The following GNL1 variants were observed in gnomAD, a reference collection of about 807,000 sequenced individuals.
The protein encoded by GNL1 is G protein nucleolar 1, also known as guanine nucleotide-binding protein-like 1.
A neutral mutation model predicts 75.2 loss-of-function variants in GNL1; 21 were observed. The ratio of observed to expected loss-of-function variants is 0.28; its 90% CI spans 0.20 to 0.40. GNL1 has a LOEUF of 0.40. Ranked by LOEUF, GNL1 falls within the 10% of genes least tolerant of loss-of-function variation. The pLI is 1.00. For synonymous variants in GNL1, 287 were observed against 303.4 expected (o/e 0.95, Z 0.56); for missense variants, 579 against 775.0 (o/e 0.75, Z 3.00).
Position 30,541,909 on chromosome 6 carries a change from C to G in GNL1, c.*4163G>C, listed in dbSNP as rs1799191219. The G allele has an allele frequency of 6.6e-6, 1 of 152,220 alleles. No individual in the cohort carries two copies. The highest frequency in any genetic ancestry group is 1.5e-5 in the Non-Finnish European group (1 of 68,032). 9.4% of individuals were successfully genotyped at this position (152,220 alleles called of 1,614,324 possible). A position where few individuals can be genotyped will look rare whatever the true frequency, so the allele number is the denominator to read the frequency against. On this transcript the variant is annotated 3_prime_UTR_variant, in exon 12 of 12. Coordinates refer to ENST00000376621, the MANE Select transcript of GNL1 (RefSeq NM_005275.5). Reference sequence around the variant, plus strand: ...CTCCCCTCACTGGGACTCTCAGTACCACGCCCACCTGTCCCCAAGGTTTGT... The same window carrying G: ...CTCCCCTCACTGGGACTCTCAGTACGACGCCCACCTGTCCCCAAGGTTTGT...
chr6:30,547,225 G>A lies in GNL1; in HGVS notation c.1328C>T (p.Ala443Val), dbSNP rs1799508074. 6.2e-7 allele frequency: 1 copy of A among 1,611,404 alleles called. No individual in the cohort carries two copies. The highest frequency in any genetic ancestry group is 2.2e-5 in the East Asian group (1 of 44,862). ...AATTCGGGAGGCCAGGTAGCCCACA[G>A]CAGTGTAGGGCTCCTGGATCTGGGC... ...PIAQIQEPYTAVGYLASRIPV... is the reference protein window; with the variant it reads ...PIAQIQEPYTVVGYLASRIPV... The change falls in exon 10 of 12, where the codon GCT becomes GTT. Residue 443 changes from alanine (A) to valine (V), a missense_variant. Physicochemically the swap from Ala to Val is moderately conservative, Grantham distance 64 (BLOSUM62 0). Coordinates refer to ENST00000376621, the MANE Select transcript of GNL1 (RefSeq NM_005275.5). This position sits in a 1 kb window ranked among gnomAD's most constrained non-coding sequence, Gnocchi z 5.5.
chr6:30,545,631 T>C lies in GNL1; in HGVS notation c.*441A>G, dbSNP rs1296030268. ...ATCAGCTTGGGACACAGTTCCTCTC[T>C]TACTGTTCCTTCTCCCAGAAGCTCC... On this transcript the variant is annotated 3_prime_UTR_variant, in exon 12 of 12. Transcript: ENST00000376621. The C allele has an allele frequency of 4.9e-6, 1 of 205,082 alleles. No individual in the cohort carries two copies. The highest frequency in any genetic ancestry group is 9.7e-6 in the Non-Finnish European group (1 of 102,856). The allele number at this position is 205,082 out of a possible 1,614,324, so 12.7% of individuals were successfully genotyped here.
Position 30,556,292 on chromosome 6 carries a change from C to G in GNL1, c.-89G>C. The G allele has an allele frequency of 1.3e-5, 20 of 1,505,174 alleles. No individual in the cohort carries two copies. Among genetic ancestry groups the G allele is most frequent in the Non-Finnish European group, 1.7e-5 (19 of 1,099,952 alleles). 93.2% of individuals were successfully genotyped at this position (1,505,174 alleles called of 1,614,324 possible). Reference sequence around the variant, plus strand: ...CGGGGCAGCCCCCGCCGCAGGGGCCCGGGACCCTAGAGGAGGCGGGGCTAG... The same window carrying G: ...CGGGGCAGCCCCCGCCGCAGGGGCCGGGGACCCTAGAGGAGGCGGGGCTAG... On this transcript the variant is annotated 5_prime_UTR_variant, in exon 1 of 12. Transcript: ENST00000376621. The surrounding 1 kb of genome is among the most constrained non-coding windows in gnomAD (Gnocchi z 5.7).
At position 30,555,476 on chromosome 6, in the gene GNL1, G is replaced by A. The variant is rs1562716481; in HGVS notation, c.239+79C>T. On this transcript the variant is annotated intron_variant, in intron 2 of 11. Transcript: ENST00000376621. This position sits in a 1 kb window ranked among gnomAD's most constrained non-coding sequence, Gnocchi z 4.3. ...CATCCCAGGCCCACCGTCTTCACCA[G>A]TAGCAGCCCGCTTTCCCCCAAAGCT... 1 of 1,407,440 alleles carries A rather than the reference G, an allele frequency of 7.1e-7. No homozygotes were observed. The highest frequency in any genetic ancestry group is 2.3e-5 in the East Asian group (1 of 43,722). The allele number at this position is 1,407,440 out of a possible 1,614,324, so 87.2% of individuals were successfully genotyped here. A position where few individuals can be genotyped will look rare whatever the true frequency, so the allele number is the denominator to read the frequency against.
In GNL1 at chr6:30,541,708, G is replaced by C. The variant is rs1562692127; in HGVS notation, c.*4364C>G. ...GCTGTTGCGATCTCTTAATTAGCTT[G>C]AACTGAGTTTGTATTAGAATTTATA... On this transcript the variant is annotated 3_prime_UTR_variant, in exon 12 of 12. Coordinates refer to ENST00000376621, the MANE Select transcript of GNL1 (RefSeq NM_005275.5). 6.6e-6 allele frequency: 1 copy of C among 152,328 alleles called. No homozygotes were observed. The highest frequency in any genetic ancestry group is 1.9e-4 in the East Asian group (1 of 5,192). The allele number at this position is 152,328 out of a possible 1,614,324, so 9.4% of individuals were successfully genotyped here.
rs1297216656 is a variant in GNL1 at position 30,552,889 on chromosome 6, G to A, written c.904+195C>T. Among the ~76,000 whole-genome samples, 3 of 152,196 alleles carry A rather than the reference G, an allele frequency of 2.0e-5. No homozygotes were observed. Among genetic ancestry groups the A allele is most frequent in the African/African-American group, 7.2e-5 (3 of 41,428 alleles). On this transcript the variant is annotated intron_variant, in intron 7 of 11. Transcript: ENST00000376621. The surrounding 1 kb of genome is among the most constrained non-coding windows in gnomAD (Gnocchi z 4.5). ...AAAAGTACTGGGAAGGCTAAAGGCAGCAAGCCACTGAGGCTCCTGACTACC... is the reference window on the plus strand; with the variant it reads ...AAAAGTACTGGGAAGGCTAAAGGCAACAAGCCACTGAGGCTCCTGACTACC...
chr6:30,554,489 C>G, intron 5 of GNL1, 86 bp downstream of exon 5: 1 of 808,484 alleles, frequency 1.2e-6, no homozygotes, highest in Non-Finnish European at 2.2e-6. Context: ...ATAGATACCT[C>G]TCTGTCTCCC....
In GNL1 at chr6:30,546,182, G is replaced by A; in HGVS notation, c.1714C>T (p.Arg572Trp). 3.2e-6 allele frequency: 5 copies of A among 1,549,050 alleles called. No individual in the cohort carries two copies. Among genetic ancestry groups the A allele is most frequent in the East Asian group, 2.4e-5 (1 of 41,930 alleles). The change falls in exon 12 of 12, where the codon CGG becomes TGG. Residue 572 changes from arginine (R) to tryptophan (W), a missense_variant. Coordinates refer to ENST00000376621, the MANE Select transcript of GNL1 (RefSeq NM_005275.5). The surrounding 1 kb of genome is among the most constrained non-coding windows in gnomAD (Gnocchi z 5.1). ...SSCEEEGEED[R>W]DADEEGEGDE... Reference sequence around the variant, plus strand: ...CCTTCTCCCTCCTCATCCGCATCCCGGTCCTCCTCTCCCTCCTCCTCACAG... The same window carrying A: ...CCTTCTCCCTCCTCATCCGCATCCCAGTCCTCCTCTCCCTCCTCCTCACAG...
At chr6:30,553,288 T>C in intron 6 of GNL1, 62 bp downstream of exon 6, 4 of 1,485,866 alleles carry the variant, frequency 2.7e-6, no homozygotes, top group Non-Finnish European at 3.7e-6. Flanking sequence ...GCCTCTCTGT[T>C]CTCCCCTTTG....
In GNL1 at chr6:30,546,842, G is replaced by A; in HGVS notation, c.1442-6C>T. On this transcript the variant is annotated splice_region_variant and splice_polypyrimidine_tract_variant and intron_variant, in intron 10 of 11. Coordinates refer to ENST00000376621, the MANE Select transcript of GNL1 (RefSeq NM_005275.5). This position sits in a 1 kb window ranked among gnomAD's most constrained non-coding sequence, Gnocchi z 5.1. ...ACCACGTTTCTCTGCCCAGGCTGGA[G>A]GAAGAAAAGAATAATGGAAAGGGAA... is the stretch of plus-strand genomic sequence containing the variant. The A allele has an allele frequency of 6.3e-7, 1 of 1,582,978 alleles. No individual in the cohort carries two copies. Among genetic ancestry groups the A allele is most frequent in the African/African-American group, 1.4e-5 (1 of 73,948 alleles).
In GNL1 at chr6:30,553,408, G is replaced by T. The variant is rs150038929; in HGVS notation, c.750C>A (p.His250Gln). Residue 250 changes from histidine to glutamine, a missense_variant, in exon 6 of 12, where the codon CAC becomes CAA. By Grantham distance (24) the His-to-Gln change is conservative. Coordinates refer to ENST00000376621, the MANE Select transcript of GNL1 (RefSeq NM_005275.5). ...GAGGAAAAGAGGTGAAAAGGACGAC[G>T]TGGAGCTGGGGATAGTGTTGATGGA... ...HYFHQHYPQL[H>Q]VVLFTSFPRD... The T allele has an allele frequency of 6.2e-7, 1 of 1,612,776 alleles. No individual in the cohort carries two copies. Among genetic ancestry groups the T allele is most frequent in the African/African-American group, 1.3e-5 (1 of 74,914 alleles).
rs1404210793 is a variant in GNL1 at position 30,546,395 on chromosome 6, A to G, written c.1583-82T>C. 1 of 805,064 alleles carries G rather than the reference A, an allele frequency of 1.2e-6. No homozygotes were observed. Among genetic ancestry groups the G allele is most frequent in the African/African-American group, 1.7e-5 (1 of 57,312 alleles). 49.9% of individuals were successfully genotyped at this position (805,064 alleles called of 1,614,324 possible). A position where few individuals can be genotyped will look rare whatever the true frequency, so the allele number is the denominator to read the frequency against. ...AAGGAAAGATGGGGAAGAGGCAAAG[A>G]CTAGGAATAACAATAATCTTTAGAG... is the stretch of plus-strand genomic sequence containing the variant. On this transcript the variant is annotated intron_variant, in intron 11 of 11. Transcript: ENST00000376621. The surrounding 1 kb of genome is among the most constrained non-coding windows in gnomAD (Gnocchi z 5.1).
intron 8 of GNL1, among the ~76,000 whole-genome samples, chr6:30,549,356 T>C (rs1040008274): frequency 6.6e-6 from 1 of 152,220 alleles, no homozygotes; most frequent in Non-Finnish European, 1.5e-5. Flanking sequence ...TTTATCCTTT[T>C]AAGGAAATCA....
At position 30,547,088 on chromosome 6, in the gene GNL1, C is replaced by T. The variant is rs374081098; in HGVS notation, c.1441+24G>A. Reference sequence around the variant, plus strand: ...GAAGAGCAGCTGAAACCAGGTGGGGCGAAGCCAGGCACATGGAACTCACCT... The same window carrying T: ...GAAGAGCAGCTGAAACCAGGTGGGGTGAAGCCAGGCACATGGAACTCACCT... On this transcript the variant is annotated intron_variant, in intron 10 of 11. Coordinates refer to ENST00000376621, the MANE Select transcript of GNL1 (RefSeq NM_005275.5). This position sits in a 1 kb window ranked among gnomAD's most constrained non-coding sequence, Gnocchi z 5.5. 20 of 1,602,948 alleles carry T rather than the reference C, an allele frequency of 1.2e-5. No individual in the cohort carries two copies. Among genetic ancestry groups the T allele is most frequent in the African/African-American group, 8.0e-5 (6 of 74,636 alleles).
rs1482198792 is a variant in GNL1, at chr6:30,554,638, C to T, written c.537G>A (p.Arg179=). Residue 179 remains arginine (R), a synonymous_variant, in exon 5 of 12, where the codon AGG becomes AGA. Coordinates refer to ENST00000376621, the MANE Select transcript of GNL1 (RefSeq NM_005275.5). ...SYFEHNLETW[R]QLWRVLEMSD... ...ACATCTCTAACACCCGCCACAGCTG[C>T]CTCCATGTCTAAAAAGACAGGATCA... 2.5e-6 allele frequency: 4 copies of T among 1,605,824 alleles called. No homozygotes were observed. In the Admixed American group the frequency reaches 5.0e-5, roughly 20 times the overall value.
Position 30,542,650 on chromosome 6 carries a change from T to C in GNL1, c.*3422A>G, listed in dbSNP as rs1412928973. ...TACACAGCAAAACAATCCCAAGACA[T>C]GTCAATTCTATCTCCTGAGCAACCC... On this transcript the variant is annotated 3_prime_UTR_variant, in exon 12 of 12. Coordinates refer to ENST00000376621, the MANE Select transcript of GNL1 (RefSeq NM_005275.5). This position sits in a 1 kb window ranked among gnomAD's most constrained non-coding sequence, Gnocchi z 4.5. The C allele has an allele frequency of 6.6e-6, 1 of 152,194 alleles. No individual in the cohort carries two copies. Among genetic ancestry groups the C allele is most frequent in the African/African-American group, 2.4e-5 (1 of 41,432 alleles). The allele number at this position is 152,194 out of a possible 1,614,324, so 9.4% of individuals were successfully genotyped here. A position where few individuals can be genotyped will look rare whatever the true frequency, so the allele number is the denominator to read the frequency against.
In GNL1 at chr6:30,546,343, G is replaced by A. The variant is rs377572264; in HGVS notation, c.1583-30C>T. The A allele has an allele frequency of 4.8e-6, 7 of 1,452,762 alleles. No homozygotes were observed. In the African/African-American group the frequency reaches 9.8e-5, roughly 20 times the overall value. The allele number at this position is 1,452,762 out of a possible 1,614,324, so 90.0% of individuals were successfully genotyped here. On this transcript the variant is annotated intron_variant, in intron 11 of 11. Coordinates refer to ENST00000376621, the MANE Select transcript of GNL1 (RefSeq NM_005275.5). The surrounding 1 kb of genome is among the most constrained non-coding windows in gnomAD (Gnocchi z 5.1). Reference sequence around the variant, plus strand: ...GGAACCAAAACAAGAAAAAAATGGAGGAGAGTTTTGAGCAAGAACTAAAGC... The same window carrying A: ...GGAACCAAAACAAGAAAAAAATGGAAGAGAGTTTTGAGCAAGAACTAAAGC...
In GNL1 at chr6:30,542,030, TTCC is replaced by T. The variant is rs1415161370; in HGVS notation, c.*4039_*4041del. On this transcript the variant is annotated 3_prime_UTR_variant, in exon 12 of 12. Transcript: ENST00000376621. The surrounding 1 kb of genome is among the most constrained non-coding windows in gnomAD (Gnocchi z 4.5). ...GTTAACACACTCCAAACTAAAAAAG[TTCC>T]TCAACTGCATATACTCTGCTCCCTC... The T allele has an allele frequency of 6.6e-6, 1 of 152,230 alleles. No homozygotes were observed. The highest frequency in any genetic ancestry group is 1.5e-5 in the Non-Finnish European group (1 of 68,034). 9.4% of individuals were successfully genotyped at this position (152,230 alleles called of 1,614,324 possible).
intron 5 of GNL1, 101 bp downstream of exon 5, chr6:30,554,474 G>T (rs973762915): frequency 1.3e-6 from 1 of 779,784 alleles, no homozygotes; most frequent in Non-Finnish European, 2.3e-6. Context: ...TAGAAAGACA[G>T]GAAGATAGAT....
Sources: allele counts gnomAD v4.1 joint callset (sites outside exome capture counted in the v4.1 genomes callset), GRCh38; gene constraint gnomAD v4.1.1; non-coding constraint Gnocchi (gnomAD v3.1); transcripts MANE v1.5; gene names NCBI Gene and HGNC (gene_info 2026-07-23, HGNC 2026-07-21).